Variants in FBXO4 observed in about 807,000 individuals in gnomAD.
The protein encoded by FBXO4 is F-box protein 4, also known as F-box only protein 4.
In FBXO4, 36 loss-of-function variants were observed where a neutral mutation model predicts 43.7. The observed-to-expected ratio is 0.82, with a 90% CI of 0.63 to 1.09. The LOEUF is 1.09. Among genes scored for constraint, FBXO4 ranks in the 50% least tolerant of loss-of-function variants. The pLI is 0.00. For missense variants in FBXO4, 435 were observed against 474.1 expected, an observed-to-expected ratio of 0.92 and a Z score of 0.77; for synonymous variants, 180 against 165.6, an observed-to-expected ratio of 1.09 and a Z score of -0.67.
At chr5:42,017,382 A>C in the FBXO4 span, among the ~76,000 whole-genome samples, 1 of 152,088 alleles carries the variant, frequency 6.6e-6, no homozygotes, top group Non-Finnish European at 1.5e-5. Flanking sequence ...CTCCAGGAAG[A>C]CTTTTTTAAG....
At chr5:41,952,990 A>C in the FBXO4 span, among the ~76,000 whole-genome samples, 4 of 148,698 alleles carry the variant, frequency 2.7e-5, no homozygotes, top group Admixed American at 1.3e-4. Context: ...TTCATTGATT[A>C]TTTTTTCTTT....
At chr5:41,977,412 T>C in the FBXO4 span, among the ~76,000 whole-genome samples, 1 of 152,240 alleles carries the variant, frequency 6.6e-6, no homozygotes, top group Non-Finnish European at 1.5e-5. Flanking sequence ...TTCCCATATC[T>C]GATTGCAGGC....
the FBXO4 span, among the ~76,000 whole-genome samples, chr5:41,951,104 G>A: frequency 3.4e-3 from 513 of 152,202 alleles, 2 homozygotes; most frequent in African/African-American, 0.012. Flanking sequence ...GGAGAAATAC[G>A]TAATGTAGAT....
intron 2 of FBXO4, among the ~76,000 whole-genome samples, chr5:41,929,037 G>A (rs752232503): frequency 2.6e-5 from 4 of 152,188 alleles, no homozygotes; most frequent in Non-Finnish European, 5.9e-5. Context: ...TATATTTGAG[G>A]CTATTAATAG....
At chr5:42,016,210 T>C in the FBXO4 span, among the ~76,000 whole-genome samples, 1 of 152,134 alleles carries the variant, frequency 6.6e-6, no homozygotes. Flanking sequence ...CTGAAAAAGT[T>C]ACTTTCTTTA....
chr5:41,988,871 CA>C, the FBXO4 span, among the ~76,000 whole-genome samples: 1 of 151,920 alleles, frequency 6.6e-6, no homozygotes, highest in Non-Finnish European at 1.5e-5. Context: ...TATATTTATC[CA>C]AAAGAACAAA....
intron 5 of FBXO4, among the ~76,000 whole-genome samples, chr5:41,937,469 C>G (rs1449155846): frequency 2.6e-5 from 4 of 152,128 alleles, no homozygotes; most frequent in Non-Finnish European, 5.9e-5. Flanking sequence ...AACAGAAGTT[C>G]AATGTCTTAG....
the FBXO4 span, among the ~76,000 whole-genome samples, chr5:41,976,303 T>C: frequency 3.3e-5 from 5 of 152,228 alleles, no homozygotes; most frequent in East Asian, 9.6e-4. Flanking sequence ...CCCAAAGTCT[T>C]AACTTGTTCC....
In FBXO4 at chr5:41,925,423, G is replaced by GAGC. The variant is rs1441001646; in HGVS notation, c.116_118dup (p.Ser39dup). 7.2e-7 allele frequency: 1 copy of GAGC among 1,380,844 alleles called. No homozygotes were observed. The highest frequency in any genetic ancestry group is 1.5e-5 in the African/African-American group (1 of 65,646). The allele number at this position is 1,380,844 out of a possible 1,614,324, so 85.5% of individuals were successfully genotyped here. A position where few individuals can be genotyped will look rare whatever the true frequency, so the allele number is the denominator to read the frequency against. On this transcript the variant is annotated inframe_insertion, in exon 1 of 7. Transcript: ENST00000281623. ...GCTGGAAGACCTTCTGGCAGTCAGT[G>GAGC]AGCAAGGAGAGGGTGGCGCGTACGA... is the stretch of plus-strand genomic sequence containing the variant.
At chr5:42,000,594 T>C in the FBXO4 span, among the ~76,000 whole-genome samples, 4 of 152,324 alleles carry the variant, frequency 2.6e-5, 1 homozygote, top group Middle Eastern at 6.8e-3. Flanking sequence ...TTTGATGCAA[T>C]CTAATTTTCC....
chr5:41,975,492 G>A, the FBXO4 span, among the ~76,000 whole-genome samples: 2 of 152,172 alleles, frequency 1.3e-5, no homozygotes, highest in African/African-American at 4.8e-5. Context: ...GTATTAATGA[G>A]AGACTGGTTA....
chr5:42,013,424 C>T, the FBXO4 span, among the ~76,000 whole-genome samples: 2 of 152,086 alleles, frequency 1.3e-5, no homozygotes, highest in Non-Finnish European at 2.9e-5. Flanking sequence ...ATTAAAGTAC[C>T]ACTCAAATGG....
At chr5:41,946,740 TC>T (rs1487586629), downstream of FBXO4, among the ~76,000 whole-genome samples, 1 of 152,110 alleles carries the variant, frequency 6.6e-6, no homozygotes, top group South Asian at 2.1e-4. Context: ...CCCCCAAACA[TC>T]CCCACCAAGA....
chr5:41,999,989 C>T, the FBXO4 span, among the ~76,000 whole-genome samples: 2 of 152,002 alleles, frequency 1.3e-5, no homozygotes, highest in Admixed American at 6.6e-5. Flanking sequence ...CCTCATCTCC[C>T]CAGGCCCTAG....
the FBXO4 span, among the ~76,000 whole-genome samples, chr5:41,984,037 C>G: frequency 6.6e-6 from 1 of 151,662 alleles, no homozygotes; most frequent in Non-Finnish European, 1.5e-5. Flanking sequence ...CCTATCAGGA[C>G]AGAGATAGTG....
chr5:42,026,136 G>A, the FBXO4 span, among the ~76,000 whole-genome samples: 11 of 151,534 alleles, frequency 7.3e-5, no homozygotes, highest in Non-Finnish European at 1.6e-4. Flanking sequence ...GGGTTTTATG[G>A]GCATTTTAAG....
chr5:41,961,106 G>A, the FBXO4 span, among the ~76,000 whole-genome samples: 12 of 152,140 alleles, frequency 7.9e-5, no homozygotes, highest in East Asian at 1.9e-4. Flanking sequence ...CCGTTTCTGC[G>A]TGGGGTGCAG....
the FBXO4 span, among the ~76,000 whole-genome samples, chr5:41,986,308 CCAT>C: frequency 6.6e-6 from 1 of 151,942 alleles, no homozygotes; most frequent in Non-Finnish European, 1.5e-5. Flanking sequence ...AAAAGATTTA[CCAT>C]CTTTTTGACT....
At chr5:42,031,728 G>T in the FBXO4 span, among the ~76,000 whole-genome samples, 1 of 152,004 alleles carries the variant, frequency 6.6e-6, no homozygotes, top group African/African-American at 2.4e-5. Context: ...TACCTGGATG[G>T]TCTTGATGCT....
Sources: gnomAD v4.1 joint callset for allele counts (sites outside exome capture counted in the v4.1 genomes callset) on GRCh38, gnomAD v4.1.1 for gene constraint, MANE v1.5 for transcripts, NCBI Gene and HGNC (gene_info 2026-07-23, HGNC 2026-07-21) for gene names.